Variants in PRKN observed in about 807,000 individuals in gnomAD.
The protein encoded by PRKN is E3 ubiquitin-protein ligase parkin.
PRKN carries 56 observed loss-of-function variants against 59.5 expected under a neutral mutation model. That is an observed-to-expected ratio of 0.94 (90% CI 0.76 to 1.18). PRKN has a LOEUF of 1.18. PRKN is among the 50% of genes most tolerant of loss of function. PRKN has a pLI of 0.00. For missense variants in PRKN, 657 were observed against 596.4 expected (o/e 1.10, Z -1.06); for synonymous variants, 250 against 222.1 (o/e 1.13, Z -1.12).
chr6:161,739,179 G>A (rs1160449923), intron 7 of PRKN, among the ~76,000 whole-genome samples: 2 of 152,116 alleles, frequency 1.3e-5, no homozygotes, highest in Non-Finnish European at 2.9e-5. Flanking sequence ...AGGCCAAGGT[G>A]GGAGGATCAC....
intron 6 of PRKN, among the ~76,000 whole-genome samples, chr6:161,923,505 A>G (rs1411523759): frequency 1.3e-5 from 2 of 152,142 alleles, no homozygotes; most frequent in Non-Finnish European, 2.9e-5. Context: ...TTTATTTGCA[A>G]AATATTGCAA....
rs369266702 is a variant in PRKN at position 162,215,111 on chromosome 6, C to G, written c.413-13859G>C. 1.7e-4 allele frequency among the ~76,000 whole-genome samples: 26 copies of G among 152,292 alleles called. No individual in the cohort carries two copies. The South Asian group carries it at 5.2e-3, about 30-fold the overall frequency. ...TCCATTTAATGTAAATCCCCTCCCC[C>G]TAAATGCCCACTACATTTGAGTTGC... On this transcript the variant is annotated intron_variant, in intron 3 of 11. Coordinates refer to ENST00000366898, the MANE Select transcript of PRKN (RefSeq NM_004562.3).
chr6:162,198,865 C>A (rs1188623218), intron 4 of PRKN, among the ~76,000 whole-genome samples: 1 of 152,150 alleles, frequency 6.6e-6, no homozygotes, highest in Non-Finnish European at 1.5e-5. Context: ...TTAGTCCCCA[C>A]AACACTCTAT....
intron 4 of PRKN, among the ~76,000 whole-genome samples, chr6:162,165,956 G>A (rs1381846647): frequency 2.7e-5 from 4 of 149,526 alleles, no homozygotes; most frequent in Non-Finnish European, 5.9e-5. Context: ...GCTGAAACAG[G>A]AGAACTGCTT....
chr6:162,599,286 T>C (rs1182169042), intron 1 of PRKN, among the ~76,000 whole-genome samples: 3 of 152,088 alleles, frequency 2.0e-5, no homozygotes, highest in Non-Finnish European at 4.4e-5. Context: ...CTAAATTGGC[T>C]AGTCCCGGCA....
intron 2 of PRKN, among the ~76,000 whole-genome samples, chr6:162,339,301 GC>G (rs1211656362): frequency 1.1e-4 from 15 of 136,958 alleles, no homozygotes; most frequent in Non-Finnish European, 1.1e-4. Flanking sequence ...GGGGGGGTCA[GC>G]CCCCCGCCCG....
chr6:162,390,046 T>C (rs1165444022), intron 2 of PRKN, among the ~76,000 whole-genome samples: 1 of 152,138 alleles, frequency 6.6e-6, no homozygotes, highest in Admixed American at 6.5e-5. Flanking sequence ...AGAATAGCAA[T>C]GCTATCATTA....
intron 3 of PRKN, among the ~76,000 whole-genome samples, chr6:162,235,958 G>GAAGGAAGAAAGAAAGAAAGA (rs1778658214): frequency 2.2e-5 from 2 of 92,600 alleles, no homozygotes; most frequent in African/African-American, 8.0e-5. Flanking sequence ...AGGAAGAAAG[G>GAAGGAAGAAAGAAAGAAAGA]AAGAAAGAAA....
At chr6:161,822,240 C>T (rs1792061160) in intron 6 of PRKN, among the ~76,000 whole-genome samples, 1 of 152,160 alleles carries the variant, frequency 6.6e-6, no homozygotes, top group Non-Finnish European at 1.5e-5. Context: ...TGTGACTAAA[C>T]ACTGGGCAAG....
intron 6 of PRKN, among the ~76,000 whole-genome samples, chr6:161,871,506 T>C (rs1307359662): frequency 6.6e-6 from 1 of 152,164 alleles, no homozygotes; most frequent in Non-Finnish European, 1.5e-5. Context: ...TGCACTCTAC[T>C]TTAAAAAGTA....
At chr6:161,724,482 T>C (rs1787358579) in intron 7 of PRKN, among the ~76,000 whole-genome samples, 1 of 152,224 alleles carries the variant, frequency 6.6e-6, no homozygotes, top group African/African-American at 2.4e-5. Context: ...ATTGGAAAGC[T>C]GAAAAATTAT....
At chr6:162,035,103 C>T (rs1457550379) in intron 5 of PRKN, among the ~76,000 whole-genome samples, 1 of 152,016 alleles carries the variant, frequency 6.6e-6, no homozygotes, top group Non-Finnish European at 1.5e-5. Context: ...ATAGAGACCA[C>T]ATGGCAGGAA....
chr6:161,984,259 A>C (rs1781353364), intron 5 of PRKN, among the ~76,000 whole-genome samples: 1 of 151,978 alleles, frequency 6.6e-6, no homozygotes, highest in Middle Eastern at 3.4e-3. Flanking sequence ...ATTAATTTTT[A>C]TTTATTTATT....
chr6:162,722,626 A>C (rs1389078337), intron 1 of PRKN, among the ~76,000 whole-genome samples: 2 of 152,252 alleles, frequency 1.3e-5, no homozygotes, highest in East Asian at 3.8e-4. Flanking sequence ...CTAACAGAAT[A>C]AAGTATTTTG....
chr6:161,900,489 A>C (rs551531175), intron 6 of PRKN, among the ~76,000 whole-genome samples: 1 of 141,330 alleles, frequency 7.1e-6, no homozygotes, highest in East Asian at 2.0e-4. Context: ...ATATAATATA[A>C]ATTATATATT....
intron 3 of PRKN, among the ~76,000 whole-genome samples, chr6:162,247,223 G>A (rs145867700): frequency 4.6e-5 from 7 of 152,012 alleles, no homozygotes; most frequent in Admixed American, 6.6e-5. Context: ...AGTTATAATC[G>A]GATTTGGTGG....
chr6:161,868,777 A>T (rs1342510083), intron 6 of PRKN, among the ~76,000 whole-genome samples: 3 of 152,148 alleles, frequency 2.0e-5, no homozygotes, highest in African/African-American at 4.8e-5. Flanking sequence ...GATAAGTCCC[A>T]TTATGAGGAG....
At chr6:162,143,343 T>G (rs1360281804) in intron 4 of PRKN, among the ~76,000 whole-genome samples, 1 of 152,222 alleles carries the variant, frequency 6.6e-6, no homozygotes, top group Admixed American at 6.5e-5. Flanking sequence ...TTCTTCTTCT[T>G]GCTTGCACTA....
Position 161,874,472 on chromosome 6 carries a change from A to G in PRKN, c.735-88564T>C, listed in dbSNP as rs1229994162. Among the ~76,000 whole-genome samples, 48 of 86,710 alleles carry G rather than the reference A, an allele frequency of 5.5e-4. 3 individuals carry two copies. Among genetic ancestry groups the G allele is most frequent in the African/African-American group, 2.2e-3 (44 of 19,614 alleles). The allele number at this position is 86,710 out of a possible 152,430, so 56.9% of individuals were successfully genotyped here. ...ATATATATTATATGTAAAATATATTATATGTAAAATATATATTATATGTAA... is the reference window on the plus strand; with the variant it reads ...ATATATATTATATGTAAAATATATTGTATGTAAAATATATATTATATGTAA... On this transcript the variant is annotated intron_variant, in intron 6 of 11. Coordinates refer to ENST00000366898, the MANE Select transcript of PRKN (RefSeq NM_004562.3).
Sources: allele counts gnomAD v4.1 joint callset (sites outside exome capture counted in the v4.1 genomes callset), GRCh38; gene constraint gnomAD v4.1.1; transcripts MANE v1.5; gene names NCBI Gene and HGNC (gene_info 2026-07-23, HGNC 2026-07-21).